DDX54: variants seen among roughly 807,000 people sequenced by gnomAD.
DDX54 encodes the protein DEAD-box helicase 54.
In DDX54, 67 loss-of-function variants were observed where a neutral mutation model predicts 105.5. That is an observed-to-expected ratio of 0.64 (90% CI 0.52 to 0.78). The LOEUF (loss-of-function observed/expected upper bound fraction) is 0.78, where lower values mean the gene tolerates loss of function less well. Ranked by LOEUF, DDX54 falls within the 30% of genes least tolerant of loss-of-function variation. The pLI is 0.00. For synonymous variants in DDX54, 514 were observed against 509.9 expected (o/e 1.01, Z -0.11); for missense variants, 1,206 against 1,230.5 (o/e 0.98, Z 0.30).
At chr12:113,161,637 TAC>T in intron 18 of DDX54, 2 of 509,162 alleles carry the variant, frequency 3.9e-6, no homozygotes, top group Admixed American at 3.4e-5. Flanking sequence ...AGGCCCCACT[TAC>T]TGGAGATGCT....
rs1159205699 is a variant in DDX54 at position 113,175,158 on chromosome 12, C to T, written c.753-1G>A. ...CTCTGCGAAACCCATTTCAAAAAGCCTGGAAGGGTAGAGGGCAGGACTGGG... is the reference window on the plus strand; with the variant it reads ...CTCTGCGAAACCCATTTCAAAAAGCTTGGAAGGGTAGAGGGCAGGACTGGG... On this transcript the variant is annotated splice_acceptor_variant, in intron 7 of 19. Coordinates refer to ENST00000306014, the MANE Select transcript of DDX54 (RefSeq NM_024072.4). LOFTEE classifies it high-confidence loss of function. 2 of 1,605,916 alleles carry T rather than the reference C, an allele frequency of 1.2e-6. No homozygotes were observed. Among genetic ancestry groups the T allele is most frequent in the East Asian group, 4.5e-5 (2 of 44,856 alleles).
chr12:113,164,700 C>T (rs182607324), intron 14 of DDX54, among the ~76,000 whole-genome samples: 2 of 151,176 alleles, frequency 1.3e-5, no homozygotes, highest in South Asian at 2.1e-4. Context: ...GGTAACAGAG[C>T]GAGACTCCAT....
chr12:113,157,931 C>A lies in DDX54; in HGVS notation c.*946G>T. The A allele has an allele frequency of 1.8e-6, 1 of 550,170 alleles. No individual in the cohort carries two copies. The highest frequency in any genetic ancestry group is 2.9e-5 in the East Asian group (1 of 34,304). The allele number at this position is 550,170 out of a possible 1,614,324, so 34.1% of individuals were successfully genotyped here. A position where few individuals can be genotyped will look rare whatever the true frequency, so the allele number is the denominator to read the frequency against. On this transcript the variant is annotated 3_prime_UTR_variant, in exon 20 of 20. Transcript: ENST00000306014. Reference sequence around the variant, plus strand: ...GGGGCTATGTGTGGGGCAACTGCCTCTAAAATGAGATCAGACCAGGCCCTC... The same window carrying A: ...GGGGCTATGTGTGGGGCAACTGCCTATAAAATGAGATCAGACCAGGCCCTC...
At chr12:113,174,117 T>C (rs538666695) in intron 10 of DDX54, among the ~76,000 whole-genome samples, 8 of 150,942 alleles carry the variant, frequency 5.3e-5, no homozygotes, top group Non-Finnish European at 1.2e-4. Context: ...AGGTGGAGGT[T>C]GCAGTGAGCT....
At position 113,181,038 on chromosome 12, in the gene DDX54, C is replaced by T; in HGVS notation, c.195G>A (p.Leu65=). 1.9e-6 allele frequency: 3 copies of T among 1,612,620 alleles called. No homozygotes were observed. The highest frequency in any genetic ancestry group is 1.1e-5 in the South Asian group (1 of 90,812). The part of the protein sequence containing the change: ...RARKLGPGRP[L]PTFPTSECTS... ...TGCATTCCGAGGTGGGGAAGGTGGG[C>T]AGGGGTCTTCCAGGTCCCAGCTGGG... Residue 65 remains leucine, a synonymous_variant, in exon 2 of 20, where the codon CTG becomes CTA. Transcript: ENST00000306014.
intron 11 of DDX54, among the ~76,000 whole-genome samples, chr12:113,170,666 A>T (rs949526416): frequency 6.6e-6 from 1 of 152,124 alleles, no homozygotes; most frequent in East Asian, 1.9e-4. Context: ...ATAAAGATTT[A>T]TTGGAACACA....
rs771255671 is a variant in DDX54 at position 113,176,851 on chromosome 12, A to G, written c.741T>C (p.Asp247=). ...ACCTGCAGCCTTACCGGTCAGCTTC[A>G]TCGAACACCACGTATTCCACACTCT... ...KLQSVEYVVF[D]EADRLFEMGF... The change falls in exon 7 of 20, where the codon GAT becomes GAC. Residue 247 remains aspartate, a synonymous_variant. Coordinates refer to ENST00000306014, the MANE Select transcript of DDX54 (RefSeq NM_024072.4). The G allele has an allele frequency of 1.2e-6, 2 of 1,614,156 alleles. No individual in the cohort carries two copies. The highest frequency in any genetic ancestry group is 3.3e-5 in the Admixed American group (2 of 60,016).
At chr12:113,168,285 C>T (rs1460467906) in intron 12 of DDX54, among the ~76,000 whole-genome samples, 1 of 152,240 alleles carries the variant, frequency 6.6e-6, no homozygotes, top group Non-Finnish European at 1.5e-5. Flanking sequence ...AGAGGGGGCC[C>T]GGAGCTCTGA....
At position 113,163,019 on chromosome 12, in the gene DDX54, G is replaced by T. The variant is rs1419234748; in HGVS notation, c.2108C>A (p.Ala703Asp). ...RGLSISGEGG[A>D]FEQQAAGAVL... ...AGCGCCAGCTGCCTGCTGCTCAAAG[G>T]CTCCCCCTTCCCCGCTGATGCTCAG... The change falls in exon 17 of 20, where the codon GCC becomes GAC. Residue 703 changes from alanine to aspartate, a missense_variant. Transcript: ENST00000306014. This position sits in a 1 kb window ranked among gnomAD's most constrained non-coding sequence, Gnocchi z 5.9. 8.7e-6 allele frequency: 14 copies of T among 1,609,702 alleles called. No individual in the cohort carries two copies. Among genetic ancestry groups the T allele is most frequent in the Non-Finnish European group, 1.2e-5 (14 of 1,179,718 alleles).
chr12:113,159,134 C>T, intron 19 of DDX54, 25 bp from the exon 20 acceptor site: 1 of 1,566,040 alleles, frequency 6.4e-7, no homozygotes, highest in Non-Finnish European at 8.6e-7. Flanking sequence ...ATTCAGGGAG[C>T]TCAGCTGTTG....
intron 17 of DDX54, among the ~76,000 whole-genome samples, chr12:113,162,262 A>G (rs886970262): frequency 2.6e-5 from 4 of 152,104 alleles, no homozygotes; most frequent in African/African-American, 9.7e-5. Context: ...CTCAGGGACA[A>G]GGGCCTCCTG....
Position 113,157,722 on chromosome 12 carries a change from C to G in DDX54, c.*1155G>C. 1 of 1,479,234 alleles carries G rather than the reference C, an allele frequency of 6.8e-7. No homozygotes were observed. The highest frequency in any genetic ancestry group is 1.2e-5 in the South Asian group (1 of 82,664). 91.6% of individuals were successfully genotyped at this position (1,479,234 alleles called of 1,614,324 possible). On this transcript the variant is annotated 3_prime_UTR_variant, in exon 20 of 20. Coordinates refer to ENST00000306014, the MANE Select transcript of DDX54 (RefSeq NM_024072.4). ...AGCGGGAGAGGGAACCCCTGAGAGA[C>G]CCTGAGATAGGAGGGCCCACATTTC...
chr12:113,178,224 G>T (rs557570233), intron 5 of DDX54, among the ~76,000 whole-genome samples: 1 of 152,256 alleles, frequency 6.6e-6, no homozygotes, highest in African/African-American at 2.4e-5. Flanking sequence ...GTGACAGAGC[G>T]AGACCCTGTC....
chr12:113,185,383 C>T lies in DDX54; in HGVS notation c.69G>A (p.Lys23=), dbSNP rs1952518429. The T allele has an allele frequency of 1.3e-6, 2 of 1,565,934 alleles. No homozygotes were observed. The highest frequency in any genetic ancestry group is 1.4e-5 in the African/African-American group (1 of 72,968). ...SRAAMAQWRK[K]KGLRKRRGAA... Reference sequence around the variant, plus strand: ...CGCCTCGGCGCTTCCGGAGCCCTTTCTTCTTCCTCCACTGGGCCATGGCAG... The same window carrying T: ...CGCCTCGGCGCTTCCGGAGCCCTTTTTTCTTCCTCCACTGGGCCATGGCAG... Residue 23 remains lysine (K), a synonymous_variant, in exon 1 of 20, where the codon AAG becomes AAA. Coordinates refer to ENST00000306014, the MANE Select transcript of DDX54 (RefSeq NM_024072.4).
intron 1 of DDX54, 34 bp from the exon 2 acceptor site, chr12:113,181,092 C>T (rs753258384): frequency 6.3e-7 from 1 of 1,598,286 alleles, no homozygotes; most frequent in East Asian, 2.3e-5. Flanking sequence ...GGTGTCACTC[C>T]AGGCACAGTG....
In DDX54 at chr12:113,164,138, G is replaced by A. The variant is rs1158463599; in HGVS notation, c.1867C>T (p.Pro623Ser). 1.3e-6 allele frequency: 2 copies of A among 1,553,430 alleles called. No individual in the cohort carries two copies. Among genetic ancestry groups the A allele is most frequent in the Non-Finnish European group, 8.7e-7 (1 of 1,149,050 alleles). The change falls in exon 15 of 20, where the codon CCG becomes TCG. Residue 623 changes from proline (P) to serine (S), a missense_variant. Physicochemically the swap from Pro to Ser is moderately conservative, Grantham distance 74. Coordinates refer to ENST00000306014, the MANE Select transcript of DDX54 (RefSeq NM_024072.4). ...TTCTCCTGCAGTGCTGGGCGGCTCG[G>A]GGCTGGGCCCACTGGGCCCTCCTGC... ...EQQEGPVGPA[P>S]SRPALQEKQP...
chr12:113,169,320 C>T (rs1952308382), intron 12 of DDX54, among the ~76,000 whole-genome samples: 4 of 152,044 alleles, frequency 2.6e-5, no homozygotes, highest in South Asian at 4.2e-4. Flanking sequence ...GACCCCGTCT[C>T]GTTAAAAAAT....
intron 14 of DDX54, 94 bp downstream of exon 14, chr12:113,165,550 C>CGTCT: frequency 1.5e-6 from 2 of 1,344,530 alleles, no homozygotes; most frequent in Non-Finnish European, 1.0e-6. Flanking sequence ...CTGGCACCAC[C>CGTCT]GTTGTCACTG....
intron 11 of DDX54, among the ~76,000 whole-genome samples, 153 bp from the exon 12 acceptor site, chr12:113,170,057 G>A (rs1021015275): frequency 2.6e-5 from 4 of 152,180 alleles, no homozygotes; most frequent in African/African-American, 4.8e-5. Context: ...GTTTAATCCC[G>A]GTCCCTAGGT....
Sources: allele counts gnomAD v4.1 joint callset (sites outside exome capture counted in the v4.1 genomes callset), GRCh38; gene constraint gnomAD v4.1.1; non-coding constraint Gnocchi (gnomAD v3.1); transcripts MANE v1.5; gene names NCBI Gene and HGNC (gene_info 2026-07-23, HGNC 2026-07-21).